The following TIGAR variants were observed in gnomAD, a reference collection of about 807,000 sequenced individuals.
The protein encoded by TIGAR is fructose-2,6-bisphosphatase TIGAR.
TIGAR carries 7 observed loss-of-function variants against 17.9 expected under a neutral mutation model. The observed-to-expected ratio is 0.39, with a 90% confidence interval of 0.22 to 0.73. The LOEUF (loss-of-function observed/expected upper bound fraction) is 0.73. Among genes scored for constraint, TIGAR ranks in the 30% least tolerant of loss-of-function variants. The pLI is 0.42. For synonymous variants in TIGAR, 94 were observed against 108.6 expected (o/e 0.87, Z 0.84); for missense variants, 258 against 327.4 (o/e 0.79, Z 1.64).
intron 1 of TIGAR, chr12:4,324,651 C>T: frequency 7.7e-7 from 1 of 1,303,140 alleles, no homozygotes; most frequent in Non-Finnish European, 1.1e-6. Context: ...GCAGCGAGTT[C>T]TGTTTCCGCC....
intron 1 of TIGAR, among the ~76,000 whole-genome samples, chr12:4,327,505 G>C (rs907779760): frequency 6.6e-6 from 1 of 152,120 alleles, no homozygotes; most frequent in Non-Finnish European, 1.5e-5. Flanking sequence ...TGTCTGAGCA[G>C]TTTGCAGCCC....
rs1167833273 is a variant in TIGAR, at chr12:4,352,270, G to A, written c.392G>A (p.Arg131His). ...TTTCTTTTCTTGTAGGTGAAAATGCGTGGAATAGACTTTTTTGAATTTCTT... is the reference window on the plus strand; with the variant it reads ...TTTCTTTTCTTGTAGGTGAAAATGCATGGAATAGACTTTTTTGAATTTCTT... ...GGETLDQVKM[R>H]GIDFFEFLCQ... The change falls in exon 6 of 6, where the codon CGT (arginine) becomes CAT (histidine). Residue 131 changes from arginine (R) to histidine (H), a missense_variant. By Grantham distance (29) the Arg-to-His change is conservative. Transcript: ENST00000179259. The A allele has an allele frequency of 1.9e-6, 3 of 1,608,342 alleles. No individual in the cohort carries two copies. Among genetic ancestry groups the A allele is most frequent in the Admixed American group, 1.7e-5 (1 of 59,318 alleles).
At chr12:4,324,610 G>A (rs12311483) in intron 1 of TIGAR, 4 of 1,565,192 alleles carry the variant, frequency 2.6e-6, no homozygotes, top group East Asian at 2.3e-5. Context: ...CATGGGCGGT[G>A]CCTCCTTCTT....
chr12:4,349,503 C>T (rs1425623729), intron 3 of TIGAR, among the ~76,000 whole-genome samples: 4 of 151,898 alleles, frequency 2.6e-5, no homozygotes, highest in African/African-American at 4.8e-5. Flanking sequence ...CTGCAACCTC[C>T]GCCTCCCAGG....
rs1448608150 is a variant in TIGAR, at chr12:4,355,447, C to T, written c.*2756C>T. On this transcript the variant is annotated 3_prime_UTR_variant, in exon 6 of 6. Transcript: ENST00000179259. ...GACTGTCTTAAAGGGTGGATACCTC[C>T]TCTTGTTCATTTTTAAAGTTGTCTT... Among the ~76,000 whole-genome samples the T allele has an allele frequency of 6.6e-6, 1 of 152,114 alleles. No individual in the cohort carries two copies. The highest frequency in any genetic ancestry group is 1.5e-5 in the Non-Finnish European group (1 of 68,024).
chr12:4,336,636 G>A (rs762690841), intron 2 of TIGAR, among the ~76,000 whole-genome samples: 2 of 152,080 alleles, frequency 1.3e-5, no homozygotes, highest in Admixed American at 1.3e-4. Context: ...AAGAGGAAAA[G>A]TAATACCATT....
chr12:4,351,378 G>T lies in TIGAR; in HGVS notation c.381+1G>T. 6.2e-7 allele frequency: 1 copy of T among 1,613,038 alleles called. No homozygotes were observed. The highest frequency in any genetic ancestry group is 8.5e-7 in the Non-Finnish European group (1 of 1,179,110). On this transcript the variant is annotated splice_donor_variant, in intron 5 of 5. Transcript: ENST00000179259. LOFTEE classifies it high-confidence loss of function. ...GCCCGGAGGAGAGACGCTGGACCAGGTATGTGGCGCTGCCGATGTCAGAAT... is the reference window on the plus strand; with the variant it reads ...GCCCGGAGGAGAGACGCTGGACCAGTTATGTGGCGCTGCCGATGTCAGAAT...
chr12:4,337,209 C>A, intron 3 of TIGAR, 49 bp downstream of exon 3: 1 of 1,449,352 alleles, frequency 6.9e-7, no homozygotes. Context: ...ACTCTATGCC[C>A]AGGCTGGAGT....
Position 4,359,071 on chromosome 12 carries a change from T to C in TIGAR, c.*6380T>C, listed in dbSNP as rs1864945410. Among the ~76,000 whole-genome samples the C allele has an allele frequency of 6.6e-6, 1 of 150,642 alleles. No homozygotes were observed. The highest frequency in any genetic ancestry group is 1.5e-5 in the Non-Finnish European group (1 of 67,838). On this transcript the variant is annotated 3_prime_UTR_variant, in exon 6 of 6. Coordinates refer to ENST00000179259, the MANE Select transcript of TIGAR (RefSeq NM_020375.3). ...TCTGGTTCCTCATTAAATTTGCAAC[T>C]ACTCTTTTAGCCTTTATTGTTTATT...
chr12:4,325,879 A>G (rs1009765027), intron 1 of TIGAR, among the ~76,000 whole-genome samples: 1 of 152,148 alleles, frequency 6.6e-6, no homozygotes, highest in African/African-American at 2.4e-5. Flanking sequence ...GAGGGTTTAC[A>G]TTTTCATTTA....
rs555915513 is a variant in TIGAR, at chr12:4,359,446, C to G, written c.*6755C>G. On this transcript the variant is annotated 3_prime_UTR_variant, in exon 6 of 6. Transcript: ENST00000179259. ...CAGAATCAGCTTTTTCTCTAAAGAG[C>G]CCTGGTTCTTTGGAAATGAAATGAA... 9.9e-5 allele frequency among the ~76,000 whole-genome samples: 15 copies of G among 152,050 alleles called. No homozygotes were observed. In the South Asian group the frequency reaches 2.7e-3, roughly 27 times the overall value.
In TIGAR at chr12:4,355,122, G is replaced by GA. The variant is rs547095077; in HGVS notation, c.*2433dup. On this transcript the variant is annotated 3_prime_UTR_variant, in exon 6 of 6. Transcript: ENST00000179259. ...GGGTTTTTTTGGTGTGTATCTTTAA[G>GA]AAGACTTCTCTACCATGAGGTCATA... Among the ~76,000 whole-genome samples the GA allele has an allele frequency of 5.9e-5, 9 of 152,090 alleles. No individual in the cohort carries two copies. In the South Asian group the frequency reaches 1.4e-3, roughly 25 times the overall value.
At chr12:4,325,176 T>C (rs963828272) in intron 1 of TIGAR, among the ~76,000 whole-genome samples, 3 of 151,942 alleles carry the variant, frequency 2.0e-5, no homozygotes, top group Non-Finnish European at 4.4e-5. Flanking sequence ...TCCCGACCTC[T>C]GGTGATCCGC....
rs1864888098 is a variant in TIGAR at position 4,355,342 on chromosome 12, T to C, written c.*2651T>C. ...GCTCTCAGGCCTCACACCCCCTCAT[T>C]TGCTAGAGTCTGTGGACTCTTTTAG... is the stretch of plus-strand genomic sequence containing the variant. On this transcript the variant is annotated 3_prime_UTR_variant, in exon 6 of 6. Transcript: ENST00000179259. 6.6e-6 allele frequency among the ~76,000 whole-genome samples: 1 copy of C among 152,168 alleles called. No individual in the cohort carries two copies. The highest frequency in any genetic ancestry group is 2.4e-5 in the African/African-American group (1 of 41,446).
intron 3 of TIGAR, among the ~76,000 whole-genome samples, chr12:4,347,953 T>C (rs1864799279): frequency 1.3e-5 from 2 of 151,956 alleles, no homozygotes; most frequent in Admixed American, 1.3e-4. Flanking sequence ...CTGGGCAACA[T>C]AGGGAGACCT....
rs192372193 is a variant in TIGAR, at chr12:4,357,121, A to G, written c.*4430A>G. 5.3e-4 allele frequency among the ~76,000 whole-genome samples: 81 copies of G among 152,366 alleles called. 2 individuals are homozygous for G. The South Asian group carries it at 0.016, about 30-fold the overall frequency. On this transcript the variant is annotated 3_prime_UTR_variant, in exon 6 of 6. Transcript: ENST00000179259. The stretch of plus-strand genomic sequence containing the variant: ...TAAGATATCCCTGAGAGAACAGTGC[A>G]TCTCACACCCATTCCATGGCTTAGG...
At chr12:4,341,219 A>T (rs1239482166) in intron 3 of TIGAR, among the ~76,000 whole-genome samples, 1 of 152,110 alleles carries the variant, frequency 6.6e-6, no homozygotes, top group African/African-American at 2.4e-5. Flanking sequence ...CCAACTAAAA[A>T]TGGGCAAAAT....
chr12:4,324,369 C>A (rs1344273245), intron 1 of TIGAR: 9 of 986,012 alleles, frequency 9.1e-6, no homozygotes, highest in Non-Finnish European at 1.5e-5. Flanking sequence ...ATTAGCTGAG[C>A]CACTACTTGA....
Position 4,351,464 on chromosome 12 carries a change from C to G in TIGAR, c.381+87C>G, listed in dbSNP as rs1200459356. The G allele has an allele frequency of 3.9e-6, 4 of 1,018,524 alleles. No individual in the cohort carries two copies. The East Asian group carries it at 1.0e-4, about 26-fold the overall frequency. 63.1% of individuals were successfully genotyped at this position (1,018,524 alleles called of 1,614,324 possible). ...TTTTAGCTAAGCAGTTTGAAAGTTG[C>G]TTGGTTCATTCTCTTTTCCATTTTA... On this transcript the variant is annotated intron_variant, in intron 5 of 5. Coordinates refer to ENST00000179259, the MANE Select transcript of TIGAR (RefSeq NM_020375.3).
Sources: gnomAD v4.1 joint callset for allele counts (sites outside exome capture counted in the v4.1 genomes callset) on GRCh38, gnomAD v4.1.1 for gene constraint, MANE v1.5 for transcripts, NCBI Gene and HGNC (gene_info 2026-07-23, HGNC 2026-07-21) for gene names.